The following SAMD4A variants were observed in gnomAD, a reference collection of about 807,000 sequenced individuals.
SAMD4A encodes the protein protein Smaug homolog 1.
In SAMD4A, 33 loss-of-function variants were observed where a neutral mutation model predicts 81.3. The observed-to-expected ratio is 0.41, with a 90% CI of 0.31 to 0.54. SAMD4A has a LOEUF of 0.54. SAMD4A is among the 20% of genes least tolerant of loss of function. The probability of loss-of-function intolerance (pLI) is 0.37; values close to 1 mark genes in which losing one functional copy is unlikely to be tolerated. For missense variants in SAMD4A, 854 were observed against 951.1 expected (o/e 0.90, Z 1.34); for synonymous variants, 389 against 382.1 (o/e 1.02, Z -0.21).
intron 11 of SAMD4A, among the ~76,000 whole-genome samples, chr14:54,777,675 G>T (rs1015977921): frequency 2.6e-5 from 4 of 151,868 alleles, no homozygotes; most frequent in Non-Finnish European, 2.9e-5. Context: ...ATGATGGGGT[G>T]GGGGGGTAGG....
Position 54,724,048 on chromosome 14 carries a change from G to GGAAGGAAGGAAGGAAGGAAGGAAT in SAMD4A, c.716-12973_716-12972insGGAAGGAAGGAAGGAAGGAATGAA, listed in dbSNP as rs1193163741. Among the ~76,000 whole-genome samples the GGAAGGAAGGAAGGAAGGAAGGAAT allele has an allele frequency of 2.8e-4, 43 of 151,048 alleles. No homozygotes were observed. The East Asian group carries it at 5.1e-3, about 18-fold the overall frequency. On this transcript the variant is annotated intron_variant, in intron 3 of 12. Coordinates refer to ENST00000554335, the MANE Select transcript of SAMD4A (RefSeq NM_015589.6). Reference sequence around the variant, plus strand: ...AGGAAGGAAGGAAGGAAGGAAGGAAGGAATAATGCAGGACGCATCTATTCA... The same window carrying GGAAGGAAGGAAGGAAGGAAGGAAT: ...AGGAAGGAAGGAAGGAAGGAAGGAAGGAAGGAAGGAAGGAAGGAAGGAATGAATAATGCAGGACGCATCTATTCA...
chr14:54,618,664 G>A (rs1185239262), intron 2 of SAMD4A, among the ~76,000 whole-genome samples: 2 of 152,186 alleles, frequency 1.3e-5, no homozygotes, highest in Non-Finnish European at 2.9e-5. Flanking sequence ...TCTTTCTAGA[G>A]TTTGGAGAGT....
At chr14:54,680,932 C>A (rs1275109859) in intron 2 of SAMD4A, among the ~76,000 whole-genome samples, 1 of 152,208 alleles carries the variant, frequency 6.6e-6, no homozygotes, top group Non-Finnish European at 1.5e-5. Flanking sequence ...TATTTGCTTT[C>A]AGAATTTGAT....
intron 2 of SAMD4A, among the ~76,000 whole-genome samples, chr14:54,598,616 A>G (rs1196959068): frequency 6.6e-6 from 1 of 152,216 alleles, no homozygotes; most frequent in African/African-American, 2.4e-5. Context: ...CTGTGTCAAA[A>G]GTTACTATTC....
chr14:54,609,446 G>A (rs1041168847), intron 2 of SAMD4A, among the ~76,000 whole-genome samples: 3 of 152,218 alleles, frequency 2.0e-5, no homozygotes, highest in Non-Finnish European at 4.4e-5. Context: ...AGAACTGTAA[G>A]ATAATAAAAG....
rs138364433 is a variant in SAMD4A at position 54,599,272 on chromosome 14, C to T, written c.196+31160C>T. 1.4e-3 allele frequency among the ~76,000 whole-genome samples: 218 copies of T among 152,144 alleles called. 1 individual carries two copies. The highest frequency in any genetic ancestry group is 5.0e-3 in the African/African-American group (209 of 41,502). ...TGCCCTATATATGGAGTAATAAACA[C>T]GATTTAAAGAAATGAGGACTAAAAA... On this transcript the variant is annotated intron_variant, in intron 2 of 12. Coordinates refer to ENST00000554335, the MANE Select transcript of SAMD4A (RefSeq NM_015589.6).
chr14:54,567,803 T>C lies in SAMD4A; in HGVS notation c.-114T>C. 1.7e-6 allele frequency: 2 copies of C among 1,166,744 alleles called. No homozygotes were observed. The highest frequency in any genetic ancestry group is 2.4e-6 in the Non-Finnish European group (2 of 834,790). The allele number at this position is 1,166,744 out of a possible 1,614,324, so 72.3% of individuals were successfully genotyped here. A position where few individuals can be genotyped will look rare whatever the true frequency, so the allele number is the denominator to read the frequency against. The stretch of plus-strand genomic sequence containing the variant: ...GCAGCGTCCGGGCACCAGAGCCACC[T>C]TGGAACAGGAACGCGTCTCCGGCCG... On this transcript the variant is annotated 5_prime_UTR_variant, in exon 2 of 13. Transcript: ENST00000554335.
chr14:54,682,132 C>A, intron 2 of SAMD4A: 1 of 896,242 alleles, frequency 1.1e-6, no homozygotes, highest in Non-Finnish European at 1.3e-6. Context: ...GGGGTTGTGG[C>A]CTTTAATGTT....
intron 2 of SAMD4A, among the ~76,000 whole-genome samples, chr14:54,660,374 A>T (rs1004816423): frequency 1.3e-5 from 2 of 152,216 alleles, no homozygotes; most frequent in African/African-American, 4.8e-5. Context: ...GTTGTCACTC[A>T]ACCATCCGCT....
intron 2 of SAMD4A, among the ~76,000 whole-genome samples, chr14:54,573,340 T>C (rs183721942): frequency 1.3e-5 from 2 of 152,292 alleles, no homozygotes; most frequent in Admixed American, 1.3e-4. Flanking sequence ...AACAGTCAAA[T>C]TGACTTGTTT....
chr14:54,781,035 C>T (rs1218121404), intron 11 of SAMD4A, among the ~76,000 whole-genome samples: 1 of 152,188 alleles, frequency 6.6e-6, no homozygotes, highest in African/African-American at 2.4e-5. Flanking sequence ...CCAGGTCCCA[C>T]TGCTCTGTCC....
chr14:54,631,350 C>T (rs1324343338), intron 2 of SAMD4A, among the ~76,000 whole-genome samples: 2 of 152,172 alleles, frequency 1.3e-5, no homozygotes, highest in Non-Finnish European at 2.9e-5. Flanking sequence ...CACCTCATAG[C>T]TCAGTAAAGT....
At chr14:54,570,521 T>C (rs73269511) in intron 2 of SAMD4A, among the ~76,000 whole-genome samples, 2,365 of 152,276 alleles carry the variant, frequency 0.016, 57 homozygotes, top group African/African-American at 0.054. Context: ...ACTGCTGTAA[T>C]CAGTAGTAAA....
chr14:54,620,114 C>T (rs8015855), intron 2 of SAMD4A, among the ~76,000 whole-genome samples: 2,521 of 152,038 alleles, frequency 0.017, 61 homozygotes, highest in African/African-American at 0.057. Context: ...GCCTTATATA[C>T]ATTATTTCAT....
chr14:54,606,310 T>C (rs1594724535), intron 2 of SAMD4A, among the ~76,000 whole-genome samples: 1 of 152,206 alleles, frequency 6.6e-6, no homozygotes, highest in Admixed American at 6.5e-5. Flanking sequence ...GAGTTCCAGA[T>C]TGGGGAGCAC....
chr14:54,708,869 A>G (rs986175011), intron 3 of SAMD4A, among the ~76,000 whole-genome samples: 1 of 152,192 alleles, frequency 6.6e-6, no homozygotes. Context: ...AATGACTCCA[A>G]AGAGATTGGA....
chr14:54,565,634 A>G (rs2032905837), upstream of SAMD4A, among the ~76,000 whole-genome samples: 1 of 151,478 alleles, frequency 6.6e-6, no homozygotes, highest in South Asian at 2.1e-4. This position sits in a 1 kb window ranked among gnomAD's most constrained non-coding sequence, Gnocchi z 5.4. Flanking sequence ...CACCTCGGCC[A>G]CCCCGGGGCC....
intron 2 of SAMD4A, among the ~76,000 whole-genome samples, chr14:54,608,015 CAAAA>C (rs765121682): frequency 6.6e-5 from 4 of 60,692 alleles, no homozygotes. Flanking sequence ...GACTCCGTCT[CAAAA>C]AAAAAAAAAA....
chr14:54,764,489 G>A lies in SAMD4A; in HGVS notation c.1545G>A (p.Glu515=), dbSNP rs1594914091. The change falls in exon 8 of 13, where the codon GAG becomes GAA. Residue 515 remains glutamate, a synonymous_variant. Transcript: ENST00000554335. ...CTQLLVSRPD[E]ENISSYLQLI... ...AGCTCTTGGTCTCCAGACCTGATGA[G>A]GAAAATATAAGTTCCTATTTACAGC... 1 of 1,612,676 alleles carries A rather than the reference G, an allele frequency of 6.2e-7. No individual in the cohort carries two copies. Among genetic ancestry groups the A allele is most frequent in the East Asian group, 2.2e-5 (1 of 44,882 alleles).
Sources: gnomAD v4.1 joint callset for allele counts (sites outside exome capture counted in the v4.1 genomes callset) on GRCh38, gnomAD v4.1.1 for gene constraint, Gnocchi (gnomAD v3.1) non-coding constraint, MANE v1.5 for transcripts, NCBI Gene and HGNC (gene_info 2026-07-23, HGNC 2026-07-21) for gene names.